Variants in TRPM2 observed in about 807,000 individuals in gnomAD.
TRPM2 encodes estrogen-responsive element-associated gene 1 protein.
TRPM2 carries 161 observed loss-of-function variants against 174.0 expected under a neutral mutation model. That is an observed-to-expected ratio of 0.93 (90% CI 0.81 to 1.05). The LOEUF (loss-of-function observed/expected upper bound fraction) is 1.05. Ranked by LOEUF, TRPM2 falls within the 50% of genes least tolerant of loss-of-function variation. TRPM2 has a pLI of 0.00. For synonymous variants in TRPM2, 954 were observed against 861.3 expected (o/e 1.11, Z -1.88); for missense variants, 2,057 against 2,038.0 (o/e 1.01, Z -0.18).
intron 5 of TRPM2, among the ~76,000 whole-genome samples, chr21:44,375,465 C>T (rs1396657059): frequency 6.6e-6 from 1 of 152,168 alleles, no homozygotes; most frequent in African/African-American, 2.4e-5. Flanking sequence ...GTCTGGAGGA[C>T]AGAACTCTGA....
At chr21:44,393,354 G>T (rs894998005) in intron 11 of TRPM2, among the ~76,000 whole-genome samples, 1 of 152,138 alleles carries the variant, frequency 6.6e-6, no homozygotes, top group Non-Finnish European at 1.5e-5. Context: ...TATTTTAATA[G>T]ATTTTCTGAT....
chr21:44,395,046 G>A (rs2049298700), intron 11 of TRPM2, among the ~76,000 whole-genome samples: 1 of 152,182 alleles, frequency 6.6e-6, no homozygotes, highest in Non-Finnish European at 1.5e-5. Flanking sequence ...TCAGGGAGAA[G>A]ACAGTCACTG....
intron 23 of TRPM2, 67 bp downstream of exon 23, chr21:44,423,799 G>A (rs2050639004): frequency 2.3e-6 from 3 of 1,328,284 alleles, no homozygotes; most frequent in African/African-American, 2.9e-5. Context: ...GCTCTGCCAT[G>A]TGGTGGCACC....
chr21:44,401,950 G>A, intron 16 of TRPM2, 53 bp downstream of exon 16: 1 of 1,599,768 alleles, frequency 6.3e-7, no homozygotes, highest in Non-Finnish European at 8.6e-7. Flanking sequence ...CCACTTGGCT[G>A]CATTCTCATA....
At chr21:44,426,869 A>G in intron 26 of TRPM2, 133 bp downstream of exon 26, 3 of 1,342,826 alleles carry the variant, frequency 2.2e-6, no homozygotes, top group Non-Finnish European at 3.1e-6. Context: ...GGGGGCCTGA[A>G]GGGGCCCAGC....
In TRPM2 at chr21:44,354,665, G is replaced by C. The variant is rs769258683; in HGVS notation, c.183G>C (p.Ser61=). Residue 61 remains serine, a synonymous_variant, in exon 2 of 32, where the codon TCG becomes TCC. Transcript: ENST00000397928. This position sits in a 1 kb window ranked among gnomAD's most constrained non-coding sequence, Gnocchi z 4.3. ...GNNDKQESLS[S]WIPENIKKKE... is the part of the protein sequence containing the mutation. ...ACCTTCAGCAAGAAAGCCTCAGTTC[G>C]TGGATTCCTGAAAACATCAAGAAGA... is the stretch of plus-strand genomic sequence containing the variant. The C allele has an allele frequency of 2.5e-6, 4 of 1,614,158 alleles. No individual in the cohort carries two copies. Among genetic ancestry groups the C allele is most frequent in the Admixed American group, 3.3e-5 (2 of 60,020 alleles).
At chr21:44,380,417 C>T (rs903619397) in intron 8 of TRPM2, among the ~76,000 whole-genome samples, 1 of 152,164 alleles carries the variant, frequency 6.6e-6, no homozygotes, top group African/African-American at 2.4e-5. Context: ...CGGGCGGGCC[C>T]TGGAGCCCTC....
intron 28 of TRPM2, among the ~76,000 whole-genome samples, chr21:44,436,474 G>C (rs573148436): frequency 3.4e-4 from 51 of 151,898 alleles, no homozygotes; most frequent in Non-Finnish European, 5.7e-4. Context: ...GGCCTGCCCA[G>C]GTGGCACTCG....
chr21:44,378,046 T>C (rs1400463698), intron 7 of TRPM2, among the ~76,000 whole-genome samples: 2 of 152,128 alleles, frequency 1.3e-5, no homozygotes, highest in Non-Finnish European at 2.9e-5. Context: ...CCCCAGGGCC[T>C]GGAGTGAGTG....
chr21:44,404,337 CACAT>C lies in TRPM2; in HGVS notation c.2539-801_2539-798del, dbSNP rs570236939. On this transcript the variant is annotated intron_variant, in intron 16 of 31. Coordinates refer to ENST00000397928, the MANE Select transcript of TRPM2 (RefSeq NM_003307.4). ...ACATACACATATACACACATGCATA[CACAT>C]ACAAATACATGCAGACACATACAGA... 2.8e-4 allele frequency among the ~76,000 whole-genome samples: 42 copies of C among 152,150 alleles called. No individual in the cohort carries two copies. The South Asian group carries it at 5.6e-3, about 20-fold the overall frequency.
chr21:44,351,739 GC>G (rs2122921941), upstream of TRPM2, among the ~76,000 whole-genome samples: 2 of 152,110 alleles, frequency 1.3e-5, no homozygotes, highest in East Asian at 3.9e-4. Flanking sequence ...CGAGCCATTG[GC>G]CCCCCCACAG....
At chr21:44,392,749 A>T (rs2049222671) in intron 11 of TRPM2, among the ~76,000 whole-genome samples, 1 of 152,020 alleles carries the variant, frequency 6.6e-6, no homozygotes, top group South Asian at 2.1e-4. Flanking sequence ...CCCTTTCTAA[A>T]AGTTCCAAAC....
At chr21:44,364,362 T>C (rs1310882177) in intron 3 of TRPM2, 80 bp downstream of exon 3, 1 of 1,539,852 alleles carries the variant, frequency 6.5e-7, no homozygotes, top group African/African-American at 1.4e-5. Flanking sequence ...CGGCATTTCC[T>C]GGGGCAAGAG....
At chr21:44,364,319 G>C (rs981775849) in intron 3 of TRPM2, 37 bp downstream of exon 3, 1 of 1,606,850 alleles carries the variant, frequency 6.2e-7, no homozygotes. Context: ...ACTGTAGGTG[G>C]AGCTGCATGG....
At chr21:44,433,220 G>A (rs1455585268) in intron 27 of TRPM2, among the ~76,000 whole-genome samples, 1 of 152,244 alleles carries the variant, frequency 6.6e-6, no homozygotes, top group Non-Finnish European at 1.5e-5. Context: ...TGGCCGACTA[G>A]GGATGGGGAC....
chr21:44,417,624 G>A (rs1266060220), intron 20 of TRPM2, among the ~76,000 whole-genome samples: 2 of 123,996 alleles, frequency 1.6e-5, no homozygotes, highest in Non-Finnish European at 3.4e-5. Context: ...GCACGTGGGC[G>A]TGGCTCTGCT....
chr21:44,391,537 T>C lies in TRPM2; in HGVS notation c.1706T>C (p.Leu569Pro). The change falls in exon 11 of 32, where the codon CTG becomes CCG. Residue 569 changes from leucine to proline, a missense_variant. Transcript: ENST00000397928. This position sits in a 1 kb window ranked among gnomAD's most constrained non-coding sequence, Gnocchi z 5.0. Reference protein sequence around the residue: ...HHVAQVLRELLGDFTQPLYPR... With the variant: ...HHVAQVLRELPGDFTQPLYPR... The stretch of plus-strand genomic sequence containing the variant: ...GTGGCCCAGGTGCTGCGGGAGCTGC[T>C]GGGGGACTTCACGCAGCCGCTTTAT... The C allele has an allele frequency of 6.2e-7, 1 of 1,604,286 alleles. No individual in the cohort carries two copies. The highest frequency in any genetic ancestry group is 8.5e-7 in the Non-Finnish European group (1 of 1,178,486).
In TRPM2 at chr21:44,367,660, C is replaced by A. The variant is rs570763062; in HGVS notation, c.604+726C>A. On this transcript the variant is annotated intron_variant, in intron 4 of 31. Transcript: ENST00000397928. This position sits in a 1 kb window ranked among gnomAD's most constrained non-coding sequence, Gnocchi z 4.6. ...GATGAATAGTGAGGCCCTGAGGTGA[C>A]TACTTGGCAATGTTGCGTCCGGATG... Among the ~76,000 whole-genome samples the A allele has an allele frequency of 7.2e-5, 11 of 152,310 alleles. No homozygotes were observed. The South Asian group carries it at 2.3e-3, about 32-fold the overall frequency.
chr21:44,416,910 G>C (rs527750581), intron 20 of TRPM2, among the ~76,000 whole-genome samples: 14 of 148,294 alleles, frequency 9.4e-5, no homozygotes, highest in Admixed American at 2.7e-4. Context: ...TGGCATCACA[G>C]TGTGCACGTG....
Sources: allele counts gnomAD v4.1 joint callset (sites outside exome capture counted in the v4.1 genomes callset), GRCh38; gene constraint gnomAD v4.1.1; non-coding constraint Gnocchi (gnomAD v3.1); transcripts MANE v1.5; gene names NCBI Gene and HGNC (gene_info 2026-07-23, HGNC 2026-07-21).